The following LOC122539214 variants were observed in gnomAD, a reference collection of about 807,000 sequenced individuals.
At chr19:52,689,553 C>T in the LOC122539214 span, among the ~76,000 whole-genome samples, 1 of 152,180 alleles carries the variant, frequency 6.6e-6, no homozygotes, top group Non-Finnish European at 1.5e-5. Context: ...TGCCCCTCTC[C>T]CTACCTTGCT....
the LOC122539214 span, chr19:52,655,419 C>T: frequency 3.7e-6 from 3 of 805,742 alleles, no homozygotes; most frequent in Non-Finnish European, 6.0e-6. Flanking sequence ...CTATGACAGA[C>T]AGGAGGATCA....
At chr19:52,655,573 G>A in the LOC122539214 span, 1 of 1,500,958 alleles carries the variant, frequency 6.7e-7, no homozygotes, top group Admixed American at 1.7e-5. Flanking sequence ...ACAGACTCCA[G>A]GTTCCTGTAG....
the LOC122539214 span, chr19:52,653,366 G>A: frequency 1.1e-5 from 13 of 1,143,530 alleles, no homozygotes; most frequent in Middle Eastern, 2.1e-4. Context: ...TATGAATCAC[G>A]CTGGAAAACC....
chr19:52,690,219 G>C, the LOC122539214 span, among the ~76,000 whole-genome samples: 1 of 151,476 alleles, frequency 6.6e-6, no homozygotes. Flanking sequence ...TACGCGATAG[G>C]AAGTGTATAC....
chr19:52,687,891 T>C, the LOC122539214 span, among the ~76,000 whole-genome samples: 1 of 151,436 alleles, frequency 6.6e-6, no homozygotes, highest in African/African-American at 2.4e-5. Flanking sequence ...TGCACTTCAC[T>C]GCCCCACGTC....
chr19:52,668,732 G>A, the LOC122539214 span, among the ~76,000 whole-genome samples: 4 of 152,226 alleles, frequency 2.6e-5, no homozygotes, highest in African/African-American at 9.6e-5. Flanking sequence ...TCTGCATGTT[G>A]AACAAAGGCA....
At chr19:52,653,362 T>C in the LOC122539214 span, 6 of 1,166,478 alleles carry the variant, frequency 5.1e-6, no homozygotes, top group Admixed American at 7.1e-5. Flanking sequence ...AAGGTATGAA[T>C]CACGCTGGAA....
the LOC122539214 span, among the ~76,000 whole-genome samples, chr19:52,676,360 G>A: frequency 6.6e-6 from 1 of 152,172 alleles, no homozygotes; most frequent in Admixed American, 6.5e-5. Context: ...GCCTGCCTTG[G>A]CCTCCCAAAG....
chr19:52,657,020 G>A, the LOC122539214 span, among the ~76,000 whole-genome samples: 4 of 152,148 alleles, frequency 2.6e-5, no homozygotes, highest in African/African-American at 7.2e-5. Context: ...CGAGGCTGAG[G>A]TGGGAGGATT....
At chr19:52,670,718 CATTTT>C in the LOC122539214 span, among the ~76,000 whole-genome samples, 3 of 152,140 alleles carry the variant, frequency 2.0e-5, no homozygotes, top group Non-Finnish European at 4.4e-5. Flanking sequence ...TCTTCTTAGA[CATTTT>C]AGGGAGGCAT....
At chr19:52,653,977 T>C in the LOC122539214 span, 154 of 1,392,912 alleles carry the variant, frequency 1.1e-4, no homozygotes, top group Non-Finnish European at 1.5e-4. Context: ...CCCATACCTA[T>C]TAGAAATATG....
At chr19:52,684,552 AAAAG>A in the LOC122539214 span, among the ~76,000 whole-genome samples, 1,309 of 144,008 alleles carry the variant, frequency 9.1e-3, 27 homozygotes, top group African/African-American at 0.033. Context: ...TCTGTCTAAA[AAAAG>A]AAAAAAAAAG....
At chr19:52,670,013 A>G in the LOC122539214 span, among the ~76,000 whole-genome samples, 5 of 152,230 alleles carry the variant, frequency 3.3e-5, no homozygotes, top group South Asian at 2.1e-4. Context: ...CAAAGAATCA[A>G]TAAGTCAGTA....
At chr19:52,673,294 C>A in the LOC122539214 span, among the ~76,000 whole-genome samples, 2 of 152,128 alleles carry the variant, frequency 1.3e-5, no homozygotes, top group Admixed American at 1.3e-4. Context: ...CCCCTGAGGT[C>A]AAGAGTTCGA....
At chr19:52,676,703 A>G in the LOC122539214 span, among the ~76,000 whole-genome samples, 451 of 136,798 alleles carry the variant, frequency 3.3e-3, 8 homozygotes, top group Middle Eastern at 0.026. Context: ...AGGTGGGGAA[A>G]AGATTGAGAA....
chr19:52,664,382 G>T, the LOC122539214 span, among the ~76,000 whole-genome samples: 1 of 152,008 alleles, frequency 6.6e-6, no homozygotes, highest in African/African-American at 2.4e-5. Context: ...TGTGGTCCCA[G>T]CTACTCTGGA....
the LOC122539214 span, among the ~76,000 whole-genome samples, chr19:52,682,755 A>G: frequency 1.3e-5 from 2 of 152,160 alleles, no homozygotes; most frequent in Admixed American, 6.6e-5. Context: ...CTATCCTTCT[A>G]GCTCTTTGGG....
At chr19:52,656,864 CAAAAAAAAA>C in the LOC122539214 span, among the ~76,000 whole-genome samples, 12 of 136,658 alleles carry the variant, frequency 8.8e-5, no homozygotes, top group Admixed American at 7.3e-4. Flanking sequence ...GACTCCGTCT[CAAAAAAAAA>C]AAAAAAAAAA....
the LOC122539214 span, among the ~76,000 whole-genome samples, chr19:52,663,008 C>T: frequency 6.6e-6 from 1 of 151,800 alleles, no homozygotes; most frequent in Non-Finnish European, 1.5e-5. Flanking sequence ...ATGAAAAGTA[C>T]AAAAAATAGC....
Sources: allele counts gnomAD v4.1 joint callset (sites outside exome capture counted in the v4.1 genomes callset), GRCh38; gene constraint gnomAD v4.1.1; transcripts MANE v1.5.